The following MLKL variants were observed in gnomAD, a reference collection of about 807,000 sequenced individuals.
MLKL encodes the protein mixed lineage kinase domain like pseudokinase.
In MLKL, 55 loss-of-function variants were observed where a neutral mutation model predicts 56.5. That is an observed-to-expected ratio of 0.97 (90% CI 0.78 to 1.22). The LOEUF (loss-of-function observed/expected upper bound fraction) is 1.22, where lower values mean the gene tolerates loss of function less well. Ranked by LOEUF, MLKL falls within the 50% of genes most tolerant of loss-of-function variation. The probability of loss-of-function intolerance (pLI) is 0.00; values close to 1 mark genes in which losing one functional copy is unlikely to be tolerated. For missense variants in MLKL, 694 were observed against 573.9 expected (o/e 1.21, Z -2.14); for synonymous variants, 251 against 208.3 (o/e 1.20, Z -1.76).
At chr16:74,697,608 T>G (rs945008539) in intron 1 of MLKL, among the ~76,000 whole-genome samples, 30 of 142,730 alleles carry the variant, frequency 2.1e-4, no homozygotes, top group African/African-American at 7.8e-4. Context: ...GAGGTAGAGG[T>G]GGGAAGATTG....
intron 6 of MLKL, among the ~76,000 whole-genome samples, chr16:74,680,632 G>A (rs189950858): frequency 3.3e-5 from 5 of 152,032 alleles, no homozygotes; most frequent in African/African-American, 9.7e-5. Flanking sequence ...TCAGCCTTAC[G>A]AGTAGCTGGG....
intron 4 of MLKL, among the ~76,000 whole-genome samples, chr16:74,690,781 C>CAAAAAAAAAAAAAAAAAAAAAAA: frequency 2.0e-5 from 1 of 49,906 alleles, no homozygotes; most frequent in South Asian, 1.2e-3. Context: ...GACCTTGTCT[C>CAAAAAAAAAAAAAAAAAAAAAAA]AAAAAAAAAA....
At chr16:74,685,120 T>C (rs77971916) in intron 5 of MLKL, among the ~76,000 whole-genome samples, 2,814 of 152,252 alleles carry the variant, frequency 0.018, 115 homozygotes, top group East Asian at 0.16. Context: ...TGTCTCGGCT[T>C]ACCAAAGTGC....
At chr16:74,694,943 G>A (rs1017410497) in intron 2 of MLKL, among the ~76,000 whole-genome samples, 1 of 152,174 alleles carries the variant, frequency 6.6e-6, no homozygotes, top group African/African-American at 2.4e-5. Flanking sequence ...CGCGATCTCA[G>A]CTCACTGCAA....
chr16:74,678,746 C>T (rs1403307290), intron 7 of MLKL, among the ~76,000 whole-genome samples, 153 bp downstream of exon 7: 3 of 152,068 alleles, frequency 2.0e-5, no homozygotes, highest in African/African-American at 7.2e-5. Flanking sequence ...TCGCTCACTG[C>T]CCTCCAGCTT....
At chr16:74,688,375 T>G (rs1960464496) in intron 4 of MLKL, among the ~76,000 whole-genome samples, 1 of 152,124 alleles carries the variant, frequency 6.6e-6, no homozygotes, top group Non-Finnish European at 1.5e-5. Flanking sequence ...AACTCTAACT[T>G]CGGAAACCTA....
Position 74,675,724 on chromosome 16 carries a change from C to T in MLKL, c.1079G>A (p.Ser360Asn), listed in dbSNP as rs1169611627. The stretch of plus-strand genomic sequence containing the variant: ...TGTCTTTTCTCTCGTAGTTCCCAAA[C>T]TCATGGAAGTCTGTGTTTTCCTCAA... ...FELRKTQTSM[S>N]LGTTREKTDR... Residue 360 changes from serine to asparagine, a missense_variant, in exon 8 of 11, where the codon AGT becomes AAT. Ser to Asn is a conservative substitution (Grantham distance 46). Coordinates refer to ENST00000308807, the MANE Select transcript of MLKL (RefSeq NM_152649.4). 4 of 1,614,036 alleles carry T rather than the reference C, an allele frequency of 2.5e-6. No homozygotes were observed. The highest frequency in any genetic ancestry group is 1.7e-5 in the Admixed American group (1 of 59,986).
rs1046135397 is a variant in MLKL, at chr16:74,698,138, G to A, written c.-3+2315C>T. Among the ~76,000 whole-genome samples the A allele has an allele frequency of 3.3e-5, 5 of 152,262 alleles. No individual in the cohort carries two copies. In the East Asian group the frequency reaches 7.7e-4, roughly 24 times the overall value. On this transcript the variant is annotated intron_variant, in intron 1 of 10. Coordinates refer to ENST00000308807, the MANE Select transcript of MLKL (RefSeq NM_152649.4). Reference sequence around the variant, plus strand: ...GAGAATTGATTGAGGCTGGGAGGTCGAGGCTGCAGTGAGCCATGATTGTGC... The same window carrying A: ...GAGAATTGATTGAGGCTGGGAGGTCAAGGCTGCAGTGAGCCATGATTGTGC...
chr16:74,675,768 G>C lies in MLKL; in HGVS notation c.1039-4C>G, dbSNP rs200572931. The C allele has an allele frequency of 3.0e-5, 49 of 1,613,344 alleles. No homozygotes were observed. In the Admixed American group the frequency reaches 7.7e-4, roughly 25 times the overall value. On this transcript the variant is annotated splice_polypyrimidine_tract_variant and splice_region_variant and intron_variant, in intron 7 of 10. Coordinates refer to ENST00000308807, the MANE Select transcript of MLKL (RefSeq NM_152649.4). The stretch of plus-strand genomic sequence containing the variant: ...TCCTCAACTCAAATCCTGCAAGCTA[G>C]ATAGAGAGGCAACTTAGAAAGAAAC...
At chr16:74,674,849 T>C in intron 10 of MLKL, 111 bp downstream of exon 10, 1 of 1,354,758 alleles carries the variant, frequency 7.4e-7, no homozygotes, top group Non-Finnish European at 1.0e-6. Context: ...GTTCCCCGGA[T>C]AAAACCACCC....
At position 74,692,465 on chromosome 16, in the gene MLKL, AC is replaced by A. The variant is rs1960733449; in HGVS notation, c.461-50del. On this transcript the variant is annotated intron_variant, in intron 2 of 10. Coordinates refer to ENST00000308807, the MANE Select transcript of MLKL (RefSeq NM_152649.4). ...TGCTCAAAATAGATATTAAAATCAC[AC>A]GCCAATCAAAACTAAAATGCTAATT... The A allele has an allele frequency of 2.7e-6, 4 of 1,470,890 alleles. No individual in the cohort carries two copies. In the South Asian group the frequency reaches 4.8e-5, roughly 18 times the overall value. The allele number at this position is 1,470,890 out of a possible 1,614,324, so 91.1% of individuals were successfully genotyped here.
In MLKL at chr16:74,695,710, T is replaced by C. The variant is rs533030082; in HGVS notation, c.48A>G (p.Lys16=). 3 of 1,613,272 alleles carry C rather than the reference T, an allele frequency of 1.9e-6. No individual in the cohort carries two copies. The South Asian group carries it at 3.3e-5, about 18-fold the overall frequency. The part of the protein sequence containing the change: ...HIITLGQVIH[K]RCEEMKYCKK... The stretch of plus-strand genomic sequence containing the variant: ...TGCAGTATTTCATCTCTTCACACCG[T>C]TTGTGGATGACCTGGCCAAGGGTGA... Residue 16 remains lysine (K), a synonymous_variant, in exon 2 of 11, where the codon AAA becomes AAG. Transcript: ENST00000308807.
chr16:74,697,724 C>T (rs1242539546), intron 1 of MLKL, among the ~76,000 whole-genome samples: 1 of 151,420 alleles, frequency 6.6e-6, no homozygotes, highest in East Asian at 1.9e-4. Flanking sequence ...GAGGCTGAGG[C>T]GGGAGAATCG....
chr16:74,697,133 T>C (rs965711703), intron 1 of MLKL, among the ~76,000 whole-genome samples: 2 of 151,744 alleles, frequency 1.3e-5, no homozygotes, highest in Non-Finnish European at 2.9e-5. Flanking sequence ...GGAGGATTCC[T>C]TGAGTCCAGG....
At position 74,697,455 on chromosome 16, in the gene MLKL, A is replaced by G. The variant is rs533501298; in HGVS notation, c.-2-1696T>C. Among the ~76,000 whole-genome samples the G allele has an allele frequency of 1.2e-4, 18 of 152,300 alleles. No homozygotes were observed. The South Asian group carries it at 3.5e-3, about 30-fold the overall frequency. ...ACTGCGTTCAGCAATGAATGATGAT[A>G]ATAATTATGACACTAGATCTCTCAA... On this transcript the variant is annotated intron_variant, in intron 1 of 10. Coordinates refer to ENST00000308807, the MANE Select transcript of MLKL (RefSeq NM_152649.4).
chr16:74,677,420 T>C (rs938980396), intron 7 of MLKL: 1 of 152,310 alleles, frequency 6.6e-6, no homozygotes, highest in African/African-American at 2.4e-5. Flanking sequence ...GGCGTAAACA[T>C]AGCTCCCTGC....
rs755691598 is a variant in MLKL, at chr16:74,691,298, T to A, written c.701A>T (p.Lys234Ile). The change falls in exon 4 of 11, where the codon AAA becomes ATA. Residue 234 changes from lysine to isoleucine, a missense_variant. Coordinates refer to ENST00000308807, the MANE Select transcript of MLKL (RefSeq NM_152649.4). ...RAPVAIKVFK[K>I]LQAGSIAIVR... ...TTACGCAATGCTGCCAGCCTGGAGT[T>A]TTTTGAATACTTTTATGGCCACTGG... The A allele has an allele frequency of 7.5e-5, 121 of 1,610,412 alleles. No individual in the cohort carries two copies. The highest frequency in any genetic ancestry group is 1.0e-4 in the Non-Finnish European group (120 of 1,178,988).
chr16:74,686,348 C>T lies in MLKL; in HGVS notation c.723-765G>A, dbSNP rs59214872. ...CTGTAATCCCAGCACTTTGGGAGGC[C>T]GAGGCAGGTGGATCACAAGGTCAGG... On this transcript the variant is annotated intron_variant, in intron 4 of 10. Transcript: ENST00000308807. 3.2e-4 allele frequency among the ~76,000 whole-genome samples: 49 copies of T among 152,194 alleles called. No individual in the cohort carries two copies. The South Asian group carries it at 8.3e-3, about 26-fold the overall frequency.
Position 74,675,694 on chromosome 16 carries a change from C to T in MLKL, c.1109G>A (p.Arg370Lys), listed in dbSNP as rs2144446480. 1 of 1,596,514 alleles carries T rather than the reference C, an allele frequency of 6.3e-7. No homozygotes were observed. Among genetic ancestry groups the T allele is most frequent in the Non-Finnish European group, 8.6e-7 (1 of 1,163,268 alleles). The stretch of plus-strand genomic sequence containing the variant: ...TGAGAGATATGCTGTAGATTTGACT[C>T]TGTCTGTCTTTTCTCTCGTAGTTCC... ...SLGTTREKTD[R>K]VKSTAYLSPQ... The change falls in exon 8 of 11, where the codon AGA (arginine) becomes AAA (lysine). Residue 370 changes from arginine to lysine, a missense_variant. Transcript: ENST00000308807.
Sources: allele counts gnomAD v4.1 joint callset (sites outside exome capture counted in the v4.1 genomes callset), GRCh38; gene constraint gnomAD v4.1.1; transcripts MANE v1.5; gene names NCBI Gene and HGNC (gene_info 2026-07-23, HGNC 2026-07-21).